Variants in MAGI1 observed in about 807,000 individuals in gnomAD.
The protein encoded by MAGI1 is membrane-associated guanylate kinase, WW and PDZ domain-containing protein 1.
MAGI1 carries 58 observed loss-of-function variants against 139.9 expected under a neutral mutation model. The observed-to-expected ratio is 0.41, with a 90% CI of 0.34 to 0.52. The LOEUF (loss-of-function observed/expected upper bound fraction) is 0.52. Ranked by LOEUF, MAGI1 falls within the 20% of genes least tolerant of loss-of-function variation. The pLI is 0.12. For missense variants in MAGI1, 1,874 were observed against 1,901.6 expected, an observed-to-expected ratio of 0.99 and a Z score of 0.27; for synonymous variants, 812 against 737.9, an observed-to-expected ratio of 1.10 and a Z score of -1.63.
rs540375992 is a variant in MAGI1 at position 65,823,750 on chromosome 3, T to A, written c.314-201662A>T. Among the ~76,000 whole-genome samples the A allele has an allele frequency of 2.7e-4, 41 of 152,326 alleles. No individual in the cohort carries two copies. In the South Asian group the frequency reaches 8.3e-3, roughly 31 times the overall value. ...ACTTTTAAAAAATAAAAAATATTTATTGAGCCTGTACAATGTGCCAGAGCT... is the reference window on the plus strand; with the variant it reads ...ACTTTTAAAAAATAAAAAATATTTAATGAGCCTGTACAATGTGCCAGAGCT... On this transcript the variant is annotated intron_variant, in intron 1 of 22. Transcript: ENST00000402939.
At chr3:65,711,349 T>A (rs897595963) in intron 1 of MAGI1, among the ~76,000 whole-genome samples, 1 of 152,208 alleles carries the variant, frequency 6.6e-6, no homozygotes, top group African/African-American at 2.4e-5. Context: ...GCTTCAGATT[T>A]TACTTTGGAA....
At chr3:65,374,808 A>T (rs1049770117) in intron 18 of MAGI1, among the ~76,000 whole-genome samples, 1 of 152,176 alleles carries the variant, frequency 6.6e-6, no homozygotes. Flanking sequence ...CACTTACATA[A>T]AAGAACCAAA....
chr3:65,917,033 A>T (rs1398111650), intron 1 of MAGI1, among the ~76,000 whole-genome samples: 1 of 152,202 alleles, frequency 6.6e-6, no homozygotes. Context: ...TATAATGTCA[A>T]AGGTAATTGA....
chr3:66,011,459 C>T (rs1485774419), intron 1 of MAGI1, among the ~76,000 whole-genome samples: 1 of 152,106 alleles, frequency 6.6e-6, no homozygotes, highest in African/African-American at 2.4e-5. Flanking sequence ...ATGTCATATG[C>T]CCACATGCAG....
intron 2 of MAGI1, among the ~76,000 whole-genome samples, chr3:65,570,478 A>G (rs2080906115): frequency 6.6e-6 from 1 of 152,172 alleles, no homozygotes; most frequent in Admixed American, 6.6e-5. Context: ...GAAAAATTAT[A>G]TATAGCTTAG....
At chr3:66,033,573 T>C (rs1182289122) in intron 1 of MAGI1, among the ~76,000 whole-genome samples, 1 of 152,176 alleles carries the variant, frequency 6.6e-6, no homozygotes, top group African/African-American at 2.4e-5. Context: ...GTTATTGTCA[T>C]ACATTCCAAT....
At chr3:66,014,300 A>G (rs2067504779) in intron 1 of MAGI1, among the ~76,000 whole-genome samples, 1 of 152,170 alleles carries the variant, frequency 6.6e-6, no homozygotes, top group African/African-American at 2.4e-5. Context: ...GTTGTTCCAG[A>G]TCTTTTTTTA....
chr3:65,904,330 GGCCCCTTCTCACCTACC>G (rs1456895403), intron 1 of MAGI1, among the ~76,000 whole-genome samples: 1 of 152,100 alleles, frequency 6.6e-6, no homozygotes, highest in Admixed American at 6.5e-5. Context: ...CACAATCTCA[GGCCCCTTCTCACCTACC>G]ACATCTTCAA....
At position 65,379,279 on chromosome 3, in the gene MAGI1, C is replaced by T. The variant is rs1364971904; in HGVS notation, c.2977G>A (p.Glu993Lys). The change falls in exon 17 of 23, where the codon GAA becomes AAA. Residue 993 changes from glutamate (E) to lysine (K), a missense_variant. Physicochemically the swap from Glu to Lys is moderately conservative, Grantham distance 56. Coordinates refer to ENST00000402939, the MANE Select transcript of MAGI1 (RefSeq NM_001033057.2). Reference protein sequence around the residue: ...FVIVSSVSRPEAGTTFGNACV... With the variant: ...FVIVSSVSRPKAGTTFGNACV... ...CACTCACCAAAGGTCGTGCCTGCTT[C>T]GGGCCTGCTCACCGAGGACACGATG... is the stretch of plus-strand genomic sequence containing the variant. The T allele has an allele frequency of 1.9e-6, 3 of 1,612,426 alleles. No homozygotes were observed. The highest frequency in any genetic ancestry group is 2.7e-5 in the African/African-American group (2 of 74,862).
intron 2 of MAGI1, among the ~76,000 whole-genome samples, chr3:65,530,776 C>CGT (rs1576210107): frequency 1.4e-5 from 1 of 69,072 alleles, no homozygotes; most frequent in Admixed American, 1.6e-4. Context: ...TATATATACA[C>CGT]ACATATATAT....
At chr3:65,994,921 T>C (rs1055493145) in intron 1 of MAGI1, among the ~76,000 whole-genome samples, 1 of 152,188 alleles carries the variant, frequency 6.6e-6, no homozygotes, top group Non-Finnish European at 1.5e-5. Flanking sequence ...CTTTCCTCTG[T>C]CCTCCACAAA....
At chr3:65,397,305 C>T (rs148401408) in intron 13 of MAGI1, among the ~76,000 whole-genome samples, 1 of 152,310 alleles carries the variant, frequency 6.6e-6, no homozygotes, top group Non-Finnish European at 1.5e-5. Flanking sequence ...GTCTCTCCCT[C>T]ACATCTCTTA....
At chr3:65,719,594 G>A (rs1288124367) in intron 1 of MAGI1, among the ~76,000 whole-genome samples, 1 of 149,666 alleles carries the variant, frequency 6.7e-6, no homozygotes, top group East Asian at 2.0e-4. Flanking sequence ...AGCCCAGGCT[G>A]GAGTACAGTG....
intron 1 of MAGI1, among the ~76,000 whole-genome samples, chr3:65,955,819 C>T (rs776445054): frequency 6.6e-5 from 10 of 152,050 alleles, no homozygotes; most frequent in Non-Finnish European, 1.5e-4. Context: ...GGAAAAACAA[C>T]ACCACTGAGG....
chr3:65,757,118 C>T (rs1445293360), intron 1 of MAGI1, among the ~76,000 whole-genome samples: 1 of 152,096 alleles, frequency 6.6e-6, no homozygotes, highest in Non-Finnish European at 1.5e-5. Context: ...TGTAGCTTTC[C>T]ATTTGCTACT....
chr3:65,908,739 C>A (rs75187961), intron 1 of MAGI1, among the ~76,000 whole-genome samples: 11,960 of 152,262 alleles, frequency 0.079, 627 homozygotes, highest in Middle Eastern at 0.13. Context: ...CCCTGGCCGA[C>A]TTCCCCTCTG....
Position 66,038,339 on chromosome 3 carries a change from A to G in MAGI1, c.-31T>C. Reference sequence around the variant, plus strand: ...GTTACACCCCTCCTCCAAAAAAATAAAACGAGAGACAGGTGCCCCCCACAG... The same window carrying G: ...GTTACACCCCTCCTCCAAAAAAATAGAACGAGAGACAGGTGCCCCCCACAG... On this transcript the variant is annotated 5_prime_UTR_variant, in exon 1 of 23. Coordinates refer to ENST00000402939, the MANE Select transcript of MAGI1 (RefSeq NM_001033057.2). 6.6e-7 allele frequency: 1 copy of G among 1,516,906 alleles called. No individual in the cohort carries two copies. The allele number at this position is 1,516,906 out of a possible 1,614,324, so 94.0% of individuals were successfully genotyped here.
intron 1 of MAGI1, among the ~76,000 whole-genome samples, chr3:65,747,518 T>A (rs1226201140): frequency 2.0e-5 from 3 of 150,900 alleles, no homozygotes; most frequent in Admixed American, 6.7e-5. Context: ...GTAATTTTTT[T>A]AAATGAATTA....
intron 1 of MAGI1, among the ~76,000 whole-genome samples, chr3:65,774,902 G>T (rs2038247760): frequency 6.6e-6 from 1 of 152,140 alleles, no homozygotes; most frequent in Admixed American, 6.5e-5. Flanking sequence ...CAATTACTTA[G>T]CCTTTCTAAG....
Sources: gnomAD v4.1 joint callset for allele counts (sites outside exome capture counted in the v4.1 genomes callset) on GRCh38, gnomAD v4.1.1 for gene constraint, MANE v1.5 for transcripts, NCBI Gene and HGNC (gene_info 2026-07-23, HGNC 2026-07-21) for gene names.